Variants in ROBO1 observed in about 807,000 individuals in gnomAD.
ROBO1 encodes the protein roundabout guidance receptor 1, also known as roundabout homolog 1.
Under a neutral mutation model 195.9 loss-of-function variants are expected in ROBO1, and 149 were observed. The ratio of observed to expected loss-of-function variants is 0.76; its 90% CI spans 0.67 to 0.87. ROBO1 has a LOEUF of 0.87. ROBO1 is among the 40% of genes least tolerant of loss of function. The probability of loss-of-function intolerance (pLI) is 0.00; values close to 1 mark genes in which losing one functional copy is unlikely to be tolerated. For synonymous variants in ROBO1, 816 were observed against 733.2 expected (o/e 1.11, Z -1.82); for missense variants, 1,933 against 2,068.3 (o/e 0.93, Z 1.27).
At chr3:79,031,785 T>G (rs913592946) in intron 3 of ROBO1, among the ~76,000 whole-genome samples, 3 of 152,158 alleles carry the variant, frequency 2.0e-5, no homozygotes, top group Non-Finnish European at 4.4e-5. Flanking sequence ...TAGTTAGTAG[T>G]AGAAAACTGA....
chr3:79,001,833 GA>G (rs1323944562), intron 3 of ROBO1, among the ~76,000 whole-genome samples: 1 of 151,852 alleles, frequency 6.6e-6, no homozygotes, highest in Non-Finnish European at 1.5e-5. Flanking sequence ...TACATTTATG[GA>G]AAAAATAATC....
chr3:79,343,012 C>T (rs1334691920), intron 2 of ROBO1, among the ~76,000 whole-genome samples: 1 of 152,062 alleles, frequency 6.6e-6, no homozygotes, highest in Non-Finnish European at 1.5e-5. Flanking sequence ...TTATCCATTC[C>T]CTCTCTCACA....
chr3:78,661,589 C>G (rs1037319734), intron 15 of ROBO1, among the ~76,000 whole-genome samples: 35 of 152,258 alleles, frequency 2.3e-4, no homozygotes, highest in African/African-American at 7.2e-4. Flanking sequence ...GATGGCAGCT[C>G]TGACATTGCA....
At chr3:78,937,371 T>C (rs996076863) in intron 4 of ROBO1, among the ~76,000 whole-genome samples, 3 of 151,916 alleles carry the variant, frequency 2.0e-5, no homozygotes, top group South Asian at 2.1e-4. Context: ...TTTGAACATA[T>C]ATTAACATAT....
At chr3:79,398,161 T>C (rs989108722) in intron 2 of ROBO1, among the ~76,000 whole-genome samples, 1 of 152,170 alleles carries the variant, frequency 6.6e-6, no homozygotes, top group Non-Finnish European at 1.5e-5. Context: ...GTTCTCTGAT[T>C]CTTATTCTGG....
chr3:79,563,496 T>C (rs1364256202), intron 2 of ROBO1, among the ~76,000 whole-genome samples: 1 of 152,092 alleles, frequency 6.6e-6, no homozygotes, highest in Non-Finnish European at 1.5e-5. Flanking sequence ...ATTCAAAAAA[T>C]AGCTATGTTT....
chr3:79,739,766 G>A (rs1361777685), intron 1 of ROBO1, among the ~76,000 whole-genome samples: 1 of 152,118 alleles, frequency 6.6e-6, no homozygotes, highest in East Asian at 1.9e-4. Context: ...ATACCTTGTG[G>A]TCCAGTGTTT....
At chr3:79,400,725 T>C (rs1003283028) in intron 2 of ROBO1, among the ~76,000 whole-genome samples, 1 of 152,006 alleles carries the variant, frequency 6.6e-6, no homozygotes, top group East Asian at 1.9e-4. Context: ...GGAGGAGATA[T>C]AAAGGCTCTA....
intron 4 of ROBO1, among the ~76,000 whole-genome samples, chr3:78,790,509 G>A (rs1252330336): frequency 2.0e-5 from 3 of 151,958 alleles, no homozygotes; most frequent in Non-Finnish European, 4.4e-5. Context: ...ACGTACAATT[G>A]AATTATTATT....
chr3:78,712,164 A>G (rs2081776674), intron 8 of ROBO1, among the ~76,000 whole-genome samples: 1 of 151,978 alleles, frequency 6.6e-6, no homozygotes, highest in Non-Finnish European at 1.5e-5. Context: ...TTCTACCTGC[A>G]TTACTGGGCT....
intron 2 of ROBO1, among the ~76,000 whole-genome samples, chr3:79,365,108 C>T (rs2035920535): frequency 6.6e-6 from 1 of 152,150 alleles, no homozygotes; most frequent in African/African-American, 2.4e-5. Context: ...TCAGAATGTC[C>T]TGTCCTCAGA....
chr3:79,419,580 G>T (rs1477859634), intron 2 of ROBO1, among the ~76,000 whole-genome samples: 1 of 152,038 alleles, frequency 6.6e-6, no homozygotes, highest in Non-Finnish European at 1.5e-5. Context: ...GCCTTATTTT[G>T]AATTCTAAGT....
At chr3:79,396,461 T>G (rs1202290463) in intron 2 of ROBO1, among the ~76,000 whole-genome samples, 1 of 151,976 alleles carries the variant, frequency 6.6e-6, no homozygotes, top group Admixed American at 6.6e-5. Context: ...AACATTTTAA[T>G]TAGAAAAACA....
At chr3:78,888,984 A>G (rs566282448) in intron 4 of ROBO1, among the ~76,000 whole-genome samples, 7 of 152,228 alleles carry the variant, frequency 4.6e-5, no homozygotes, top group Non-Finnish European at 8.8e-5. Flanking sequence ...GTACAATACT[A>G]CAGTTCTCTT....
chr3:79,057,141 G>C (rs1463851756), intron 3 of ROBO1, among the ~76,000 whole-genome samples: 3 of 151,988 alleles, frequency 2.0e-5, no homozygotes, highest in Non-Finnish European at 4.4e-5. Context: ...CATTCCTGAG[G>C]CTGTTACAGT....
chr3:78,754,566 T>G (rs1201614418), intron 4 of ROBO1, among the ~76,000 whole-genome samples: 6 of 152,188 alleles, frequency 3.9e-5, no homozygotes. Flanking sequence ...GTATTTCCAG[T>G]GCCCAGGACA....
At chr3:79,508,218 C>G (rs1412551404) in intron 2 of ROBO1, among the ~76,000 whole-genome samples, 1 of 151,924 alleles carries the variant, frequency 6.6e-6, no homozygotes, top group Non-Finnish European at 1.5e-5. Flanking sequence ...CAAACCTGCA[C>G]GTTGTGCACA....
At chr3:79,649,897 T>C (rs1365077424) in intron 1 of ROBO1, among the ~76,000 whole-genome samples, 1 of 152,070 alleles carries the variant, frequency 6.6e-6, no homozygotes, top group Non-Finnish European at 1.5e-5. Context: ...TCCATCTTAT[T>C]GGTTCTGTTT....
chr3:78,657,362 T>G, intron 17 of ROBO1, 93 bp from the exon 18 acceptor site: 1 of 1,299,730 alleles, frequency 7.7e-7, no homozygotes, highest in Non-Finnish European at 1.1e-6. Flanking sequence ...CCAGACAGAG[T>G]ACTAAACTGT....
Sources: gnomAD v4.1 joint callset for allele counts (sites outside exome capture counted in the v4.1 genomes callset) on GRCh38, gnomAD v4.1.1 for gene constraint, MANE v1.5 for transcripts, NCBI Gene and HGNC (gene_info 2026-07-23, HGNC 2026-07-21) for gene names.